Variants in CSPP1 observed in about 807,000 individuals in gnomAD.
CSPP1 encodes the protein centrosome and spindle pole associated protein 1.
A neutral mutation model predicts 164.4 loss-of-function variants in CSPP1; 126 were observed. The observed-to-expected ratio is 0.77, with a 90% CI of 0.66 to 0.89. The LOEUF (loss-of-function observed/expected upper bound fraction) is 0.89. Ranked by LOEUF, CSPP1 falls within the 40% of genes least tolerant of loss-of-function variation. The pLI, the probability that CSPP1 is intolerant of heterozygous loss-of-function variation, is 0.00. For missense variants in CSPP1, 1,395 were observed against 1,449.8 expected (o/e 0.96, Z 0.61); for synonymous variants, 472 against 476.7 (o/e 0.99, Z 0.13).
intron 7 of CSPP1, among the ~76,000 whole-genome samples, chr8:67,099,045 C>T (rs974139461): frequency 6.0e-5 from 9 of 150,158 alleles, no homozygotes; most frequent in Non-Finnish European, 1.0e-4. Flanking sequence ...TTGGGTATTA[C>T]GATTTTTACC....
Position 67,190,657 on chromosome 8 carries a change from C to A in CSPP1, c.3228C>A (p.Tyr1076Ter). The A allele has an allele frequency of 6.2e-7, 1 of 1,613,618 alleles. No homozygotes were observed. The highest frequency in any genetic ancestry group is 1.1e-5 in the South Asian group (1 of 91,060). The part of the protein sequence containing the change: ...LESDSAFIGA[Y>*]GETYPAIEDD... ...TTTTCGGGGTCCTCTTAGGGGCTTA[C>A]GGTGAGACATATCCTGCCATTGAAG... The change falls in exon 29 of 31, where the codon TAC (tyrosine) becomes TAA (stop). Residue 1076 changes from tyrosine (Y) to a stop codon, truncating the protein, a stop_gained. Coordinates refer to ENST00000678616, the MANE Select transcript of CSPP1 (RefSeq NM_001382391.1). LOFTEE classifies it high-confidence loss of function.
At chr8:67,175,554 CT>C (rs772607300) in intron 26 of CSPP1, 118 bp downstream of exon 26, 5 of 1,197,560 alleles carry the variant, frequency 4.2e-6, no homozygotes, top group Non-Finnish European at 6.1e-6. Context: ...CAGCCCCATG[CT>C]CACAGGGTCC....
At chr8:67,153,167 A>C (rs1826025138) in intron 18 of CSPP1, among the ~76,000 whole-genome samples, 1 of 152,168 alleles carries the variant, frequency 6.6e-6, no homozygotes, top group African/African-American at 2.4e-5. Context: ...ATGCCACTGC[A>C]CTCCAGCCTG....
intron 10 of CSPP1, among the ~76,000 whole-genome samples, chr8:67,113,290 C>T (rs913715590): frequency 2.8e-4 from 42 of 152,012 alleles, no homozygotes; most frequent in African/African-American, 9.2e-4. Context: ...ATAGAGATCT[C>T]GTTTTGAGAG....
At chr8:67,168,374 C>T (rs992837369) in intron 24 of CSPP1, among the ~76,000 whole-genome samples, 19 of 151,860 alleles carry the variant, frequency 1.3e-4, no homozygotes, top group Non-Finnish European at 2.4e-4. Context: ...GGTTTTTTGA[C>T]ATTAATTTTT....
intron 7 of CSPP1, among the ~76,000 whole-genome samples, chr8:67,102,216 C>T (rs1229924395): frequency 6.6e-6 from 1 of 151,928 alleles, no homozygotes; most frequent in Non-Finnish European, 1.5e-5. Context: ...TTATTCTTTC[C>T]TGTGATTTAC....
At chr8:67,089,989 T>G (rs1237412481) in intron 4 of CSPP1, among the ~76,000 whole-genome samples, 1 of 152,120 alleles carries the variant, frequency 6.6e-6, no homozygotes, top group Non-Finnish European at 1.5e-5. Flanking sequence ...TTCATTTTAT[T>G]GAAAATTTCA....
intron 10 of CSPP1, among the ~76,000 whole-genome samples, chr8:67,112,529 T>C (rs1817070440): frequency 1.3e-5 from 2 of 152,214 alleles, no homozygotes; most frequent in Admixed American, 1.3e-4. Context: ...TTTCTATTAA[T>C]AGCCCAATAA....
At chr8:67,164,554 C>CTTA in intron 24 of CSPP1, 46 bp downstream of exon 24, 1 of 832,430 alleles carries the variant, frequency 1.2e-6, no homozygotes, top group Non-Finnish European at 2.1e-6. Context: ...GTTCTTTTAT[C>CTTA]TTACTTCACC....
chr8:67,168,235 G>A (rs1049429494), intron 24 of CSPP1, among the ~76,000 whole-genome samples: 12 of 150,908 alleles, frequency 8.0e-5, no homozygotes, highest in Admixed American at 2.6e-4. Context: ...GCAGTGAGCC[G>A]AGATGGCAGC....
intron 27 of CSPP1, 67 bp downstream of exon 27, chr8:67,177,793 A>G (rs920122155): frequency 1.2e-5 from 13 of 1,067,324 alleles, no homozygotes; most frequent in Non-Finnish European, 1.7e-5. Flanking sequence ...GCATATGATG[A>G]TCAAGTAATT....
chr8:67,072,166 G>A (rs1013640173), intron 1 of CSPP1, among the ~76,000 whole-genome samples: 9 of 152,146 alleles, frequency 5.9e-5, no homozygotes, highest in East Asian at 3.9e-4. Context: ...GGTGGCGGGC[G>A]CCTGTAGTCC....
chr8:67,072,887 A>AAG (rs1563482472), intron 1 of CSPP1, among the ~76,000 whole-genome samples: 12 of 150,224 alleles, frequency 8.0e-5, no homozygotes, highest in African/African-American at 3.0e-4. Context: ...AAAAAAAAAA[A>AAG]AAAGAAAGAA....
intron 12 of CSPP1, among the ~76,000 whole-genome samples, chr8:67,115,628 G>A (rs975792734): frequency 1.3e-5 from 2 of 152,228 alleles, no homozygotes; most frequent in African/African-American, 4.8e-5. Flanking sequence ...CTGAGATCAT[G>A]CCACTGCATT....
At chr8:67,181,261 C>A in intron 28 of CSPP1, among the ~76,000 whole-genome samples, 1 of 150,694 alleles carries the variant, frequency 6.6e-6, no homozygotes, top group Non-Finnish European at 1.5e-5. Flanking sequence ...TGGTCTCAAA[C>A]ACCTGGACTC....
intron 22 of CSPP1, among the ~76,000 whole-genome samples, chr8:67,162,646 G>T (rs1258906817): frequency 6.6e-6 from 1 of 152,174 alleles, no homozygotes; most frequent in Non-Finnish European, 1.5e-5. Flanking sequence ...AGGCAATGGT[G>T]TGGAGATAAG....
At chr8:67,195,248 C>CAA (rs1053473488) in intron 30 of CSPP1, 134 bp from the exon 31 acceptor site, 23 of 720,154 alleles carry the variant, frequency 3.2e-5, no homozygotes, top group East Asian at 1.2e-4. Flanking sequence ...CCAAAACAAA[C>CAA]AAACAGTAGA....
intron 16 of CSPP1, among the ~76,000 whole-genome samples, chr8:67,137,239 C>G (rs1822506960): frequency 6.6e-6 from 1 of 151,860 alleles, no homozygotes; most frequent in African/African-American, 2.4e-5. Flanking sequence ...CCTTGGCCTC[C>G]ATAGGCATGA....
chr8:67,096,436 G>T (rs1350697005), intron 7 of CSPP1, among the ~76,000 whole-genome samples: 1 of 152,008 alleles, frequency 6.6e-6, no homozygotes, highest in Non-Finnish European at 1.5e-5. Context: ...ATGGAGGTGC[G>T]CATCTGTAAT....
Sources: allele counts gnomAD v4.1 joint callset (sites outside exome capture counted in the v4.1 genomes callset), GRCh38; gene constraint gnomAD v4.1.1; transcripts MANE v1.5; gene names NCBI Gene and HGNC (gene_info 2026-07-23, HGNC 2026-07-21).